FRYL: variants seen among roughly 807,000 people sequenced by gnomAD.
FRYL encodes the protein FRY like transcription coactivator, also known as protein furry homolog-like.
In FRYL, 150 loss-of-function variants were observed where a neutral mutation model predicts 351.2. The ratio of observed to expected loss-of-function variants is 0.43; its 90% CI spans 0.37 to 0.49. The LOEUF is 0.49. Among genes scored for constraint, FRYL ranks in the 20% least tolerant of loss-of-function variants. FRYL has a pLI of 0.00. For synonymous variants in FRYL, 1,153 were observed against 1,257.1 expected (o/e 0.92, Z 1.75); for missense variants, 3,036 against 3,619.3 (o/e 0.84, Z 4.13).
Position 48,687,519 on chromosome 4 carries a change from G to A in FRYL, c.-203-2724C>T, listed in dbSNP as rs1765275293. On this transcript the variant is annotated intron_variant, in intron 2 of 63. Transcript: ENST00000358350. ...GGGGGGGGGGGGGTGAGGGGGGAGG[G>A]GGGCGGAAAGCCTCGCTTCACTTCA... Among the ~76,000 whole-genome samples the A allele has an allele frequency of 2.1e-5, 3 of 144,484 alleles. No individual in the cohort carries two copies. In the South Asian group the frequency reaches 7.2e-4, roughly 35 times the overall value. The allele number at this position is 144,484 out of a possible 152,430, so 94.8% of individuals were successfully genotyped here. A position where few individuals can be genotyped will look rare whatever the true frequency, so the allele number is the denominator to read the frequency against.
chr4:48,737,194 T>C (rs887319609), intron 1 of FRYL, among the ~76,000 whole-genome samples: 2 of 147,922 alleles, frequency 1.4e-5, no homozygotes, highest in African/African-American at 2.5e-5. Context: ...GAGGCGGAGA[T>C]TGCAGTGAGT....
intron 1 of FRYL, among the ~76,000 whole-genome samples, chr4:48,765,455 G>T (rs1774853301): frequency 6.6e-6 from 1 of 152,148 alleles, no homozygotes; most frequent in Non-Finnish European, 1.5e-5. Context: ...ACATGCAGAA[G>T]AATGAAATTG....
intron 1 of FRYL, among the ~76,000 whole-genome samples, chr4:48,734,522 T>C (rs978938005): frequency 6.6e-5 from 10 of 152,268 alleles, no homozygotes; most frequent in Non-Finnish European, 1.2e-4. Context: ...AGTAAGGACA[T>C]AGCTGAACTC....
At chr4:48,752,914 G>C (rs1773395108) in intron 1 of FRYL, among the ~76,000 whole-genome samples, 1 of 152,148 alleles carries the variant, frequency 6.6e-6, no homozygotes, top group South Asian at 2.1e-4. Flanking sequence ...AGCAGTAAGA[G>C]AAGGCCAGGG....
chr4:48,708,116 G>A (rs1432565780), intron 2 of FRYL, among the ~76,000 whole-genome samples: 2 of 151,564 alleles, frequency 1.3e-5, no homozygotes, highest in Non-Finnish European at 2.9e-5. Flanking sequence ...CACCACACCT[G>A]GCCTGTATTT....
intron 35 of FRYL, among the ~76,000 whole-genome samples, chr4:48,554,275 A>AAAAGCACTGC (rs562549693): frequency 6.6e-6 from 1 of 152,200 alleles, no homozygotes; most frequent in Non-Finnish European, 1.5e-5. Context: ...CAGACATATG[A>AAAAGCACTGC]AAAGCACTGC....
At chr4:48,569,086 T>C (rs572653843) in intron 27 of FRYL, among the ~76,000 whole-genome samples, 1 of 152,328 alleles carries the variant, frequency 6.6e-6, no homozygotes, top group Non-Finnish European at 1.5e-5. Flanking sequence ...AATAGTCATA[T>C]AGTTTTTGGT....
chr4:48,758,090 C>A (rs573732092), intron 1 of FRYL, among the ~76,000 whole-genome samples: 9 of 152,286 alleles, frequency 5.9e-5, no homozygotes, highest in Admixed American at 4.6e-4. Flanking sequence ...TTAATTCAAG[C>A]TGGATTAAAG....
At chr4:48,590,868 T>TG in intron 16 of FRYL, 38 bp from the exon 17 acceptor site, 1 of 1,490,432 alleles carries the variant, frequency 6.7e-7, no homozygotes, top group Non-Finnish European at 9.1e-7. Flanking sequence ...GAGATGAGTA[T>TG]CATAAATTAC....
intron 59 of FRYL, 90 bp downstream of exon 59, chr4:48,509,969 T>G: frequency 1.2e-6 from 1 of 816,012 alleles, no homozygotes; most frequent in Non-Finnish European, 2.0e-6. Flanking sequence ...CTGAGAGGTC[T>G]TCTTTTCTGT....
intron 3 of FRYL, among the ~76,000 whole-genome samples, chr4:48,666,257 C>T (rs1761696375): frequency 6.6e-6 from 1 of 152,178 alleles, no homozygotes; most frequent in East Asian, 1.9e-4. Context: ...ATCCCAGCTA[C>T]TCGGGAGGCC....
intron 1 of FRYL, among the ~76,000 whole-genome samples, chr4:48,762,148 G>C (rs1382882762): frequency 2.0e-5 from 3 of 152,174 alleles, no homozygotes; most frequent in African/African-American, 7.2e-5. Flanking sequence ...CAGAATTCCA[G>C]CTGCCAGAAC....
chr4:48,599,254 A>G (rs1239626064), intron 13 of FRYL, among the ~76,000 whole-genome samples: 2 of 152,210 alleles, frequency 1.3e-5, no homozygotes, highest in African/African-American at 4.8e-5. Context: ...TCTCTTAATA[A>G]TTCTCCAGAA....
At chr4:48,593,435 C>G (rs994159968) in intron 16 of FRYL, among the ~76,000 whole-genome samples, 1 of 152,086 alleles carries the variant, frequency 6.6e-6, no homozygotes, top group African/African-American at 2.4e-5. Context: ...ACCTCTGCCT[C>G]CCAGGTTCAA....
At chr4:48,642,402 T>A (rs1294572814) in intron 3 of FRYL, among the ~76,000 whole-genome samples, 1 of 152,188 alleles carries the variant, frequency 6.6e-6, no homozygotes, top group Non-Finnish European at 1.5e-5. Context: ...AGGAGAGATC[T>A]AATTCTTATT....
Position 48,550,626 on chromosome 4 carries a change from A to C in FRYL, c.4599T>G (p.Ser1533Arg). Residue 1533 changes from serine (S) to arginine (R), a missense_variant, in exon 38 of 64, where the codon AGT becomes AGG. By Grantham distance (110) the Ser-to-Arg change is moderately radical. Around this residue, in one of 7 missense-constraint regions of FRYL, gnomAD observed 1,987 missense variants for 2,311.7 expected, o/e 0.86. Transcript: ENST00000358350. ...CTTCATAAGATCCTCCAGAGCTGCT[A>C]CTGTATCGGGATTCTAGTCTGTGAT... is the stretch of plus-strand genomic sequence containing the variant. Reference protein sequence around the residue: ...RQHHRLESRYSSSSGGSYEEE... With the variant: ...RQHHRLESRYRSSSGGSYEEE... 1 of 1,613,706 alleles carries C rather than the reference A, an allele frequency of 6.2e-7. No individual in the cohort carries two copies. Among genetic ancestry groups the C allele is most frequent in the Non-Finnish European group, 8.5e-7 (1 of 1,179,592 alleles).
intron 1 of FRYL, among the ~76,000 whole-genome samples, chr4:48,775,767 G>A (rs957001891): frequency 1.3e-5 from 2 of 152,086 alleles, no homozygotes; most frequent in Non-Finnish European, 2.9e-5. Context: ...AAAATATTCT[G>A]GGGTAAAGGC....
intron 33 of FRYL, among the ~76,000 whole-genome samples, chr4:48,560,044 T>A (rs909319022): frequency 2.0e-5 from 3 of 151,734 alleles, no homozygotes; most frequent in Non-Finnish European, 4.4e-5. Context: ...GAATATGGAA[T>A]AGTGAGTGTA....
chr4:48,557,141 A>C lies in FRYL; in HGVS notation c.4126-23T>G, dbSNP rs368656132. ...ATACTAGATGCAATATGCACAAAAG[A>C]TACTTCAGTCATGACTGCCTATTAT... is the stretch of plus-strand genomic sequence containing the variant. On this transcript the variant is annotated intron_variant, in intron 34 of 63. Transcript: ENST00000358350. 1.3e-5 allele frequency: 20 copies of C among 1,564,068 alleles called. No individual in the cohort carries two copies. The African/African-American group carries it at 1.5e-4, about 12-fold the overall frequency.
Sources: allele counts gnomAD v4.1 joint callset (sites outside exome capture counted in the v4.1 genomes callset), GRCh38; gene constraint gnomAD v4.1.1; regional missense constraint gnomAD v4.1.1; transcripts MANE v1.5; gene names NCBI Gene and HGNC (gene_info 2026-07-23, HGNC 2026-07-21).